TMEM131L: variants seen among roughly 807,000 people sequenced by gnomAD.
TMEM131L encodes transmembrane 131 like.
TMEM131L carries 54 observed loss-of-function variants against 192.2 expected under a neutral mutation model. That is an observed-to-expected ratio of 0.28 (90% CI 0.23 to 0.35). The LOEUF (loss-of-function observed/expected upper bound fraction) is 0.35. Among genes scored for constraint, TMEM131L ranks in the 10% least tolerant of loss-of-function variants. The pLI is 1.00. For synonymous variants in TMEM131L, 701 were observed against 704.9 expected (o/e 0.99, Z 0.09); for missense variants, 1,888 against 1,972.9 (o/e 0.96, Z 0.82).
chr4:153,509,254 C>T (rs1479938160), intron 3 of TMEM131L, among the ~76,000 whole-genome samples: 2 of 151,846 alleles, frequency 1.3e-5, no homozygotes, highest in Admixed American at 1.3e-4. Flanking sequence ...GTCCCAGCTA[C>T]TCTGGGAGGC....
At chr4:153,517,862 T>G (rs1734843017) in intron 3 of TMEM131L, among the ~76,000 whole-genome samples, 1 of 152,212 alleles carries the variant, frequency 6.6e-6, no homozygotes, top group African/African-American at 2.4e-5. Flanking sequence ...CCAAATAGCC[T>G]CTCTCCTAAC....
chr4:153,470,686 G>A (rs892644898), intron 2 of TMEM131L, among the ~76,000 whole-genome samples: 2 of 152,172 alleles, frequency 1.3e-5, no homozygotes, highest in African/African-American at 4.8e-5. Context: ...TGCAGGATAC[G>A]GCTTTGTGTA....
At chr4:153,479,869 C>A (rs1731797517) in intron 3 of TMEM131L, among the ~76,000 whole-genome samples, 1 of 152,186 alleles carries the variant, frequency 6.6e-6, no homozygotes, top group African/African-American at 2.4e-5. Context: ...CATTTCAGAG[C>A]CCCCACAGGG....
intron 25 of TMEM131L, among the ~76,000 whole-genome samples, chr4:153,610,651 A>G (rs1040265037): frequency 6.6e-6 from 1 of 152,198 alleles, no homozygotes; most frequent in Non-Finnish European, 1.5e-5. Flanking sequence ...TTACCTGGTA[A>G]GTGTTATTTG....
intron 3 of TMEM131L, among the ~76,000 whole-genome samples, chr4:153,518,967 C>T (rs114696175): frequency 0.019 from 2,867 of 152,242 alleles, 51 homozygotes; most frequent in South Asian, 0.064. Context: ...CTGGGGTTTC[C>T]TTGCTGTATC....
Position 153,587,595 on chromosome 4 carries a change from C to T in TMEM131L, c.1483-147C>T, listed in dbSNP as rs976470578. 6.1e-6 allele frequency: 4 copies of T among 659,110 alleles called. No homozygotes were observed. The African/African-American group carries it at 7.3e-5, about 12-fold the overall frequency. The allele number at this position is 659,110 out of a possible 1,614,324, so 40.8% of individuals were successfully genotyped here. On this transcript the variant is annotated intron_variant, in intron 14 of 34. Coordinates refer to ENST00000409959, the MANE Select transcript of TMEM131L (RefSeq NM_001131007.2). Reference sequence around the variant, plus strand: ...ACAGTTCAGATTTCTCTGAAAATTCCTTAACAATTAGAAAGTAATTTTTGG... The same window carrying T: ...ACAGTTCAGATTTCTCTGAAAATTCTTTAACAATTAGAAAGTAATTTTTGG...
At chr4:153,556,932 A>G (rs1648534394) in intron 5 of TMEM131L, 34 bp from the exon 6 acceptor site, 1 of 1,009,272 alleles carries the variant, frequency 9.9e-7, no homozygotes, top group South Asian at 1.4e-5. Context: ...AAAGGAGGCC[A>G]TTCCAAGTGG....
intron 3 of TMEM131L, among the ~76,000 whole-genome samples, chr4:153,535,329 C>G (rs184443254): frequency 5.9e-5 from 9 of 152,204 alleles, no homozygotes; most frequent in Admixed American, 1.3e-4. Flanking sequence ...GATGTCTTTT[C>G]GACATTCCAG....
At chr4:153,582,428 T>G (rs1298929395) in intron 9 of TMEM131L, among the ~76,000 whole-genome samples, 11 of 117,614 alleles carry the variant, frequency 9.4e-5, no homozygotes, top group African/African-American at 6.4e-4. Flanking sequence ...CCGTTTTTTT[T>G]TGTTGTTTTT....
intron 34 of TMEM131L, among the ~76,000 whole-genome samples, chr4:153,635,883 G>A (rs1249084959): frequency 1.3e-5 from 2 of 152,156 alleles, no homozygotes; most frequent in African/African-American, 4.8e-5. Flanking sequence ...TGACACAGCT[G>A]TCTTTATGTG....
chr4:153,486,876 G>T (rs953000551), intron 3 of TMEM131L, among the ~76,000 whole-genome samples: 1 of 152,230 alleles, frequency 6.6e-6, no homozygotes, highest in Non-Finnish European at 1.5e-5. Context: ...GGAAGGGAAT[G>T]GGCAGTGGGA....
At chr4:153,564,506 T>C (rs777907547) in intron 7 of TMEM131L, among the ~76,000 whole-genome samples, 4 of 152,142 alleles carry the variant, frequency 2.6e-5, no homozygotes, top group African/African-American at 4.8e-5. Flanking sequence ...TGGTTGACCA[T>C]GTGGACCAAG....
At chr4:153,528,743 C>A (rs1210351740) in intron 3 of TMEM131L, among the ~76,000 whole-genome samples, 2 of 152,116 alleles carry the variant, frequency 1.3e-5, no homozygotes, top group Non-Finnish European at 2.9e-5. Context: ...AGCTTCCAAG[C>A]CTAATAGAAA....
At chr4:153,597,873 C>T (rs2150906287) in intron 20 of TMEM131L, among the ~76,000 whole-genome samples, 1 of 152,212 alleles carries the variant, frequency 6.6e-6, no homozygotes, top group South Asian at 2.1e-4. Context: ...GTTGAGGCTG[C>T]AGTGAGCCGT....
At chr4:153,615,142 T>A (rs532165593) in intron 26 of TMEM131L, among the ~76,000 whole-genome samples, 1 of 152,348 alleles carries the variant, frequency 6.6e-6, no homozygotes, top group South Asian at 2.1e-4. Flanking sequence ...AACATTGCAT[T>A]TTTCTCCTTC....
At chr4:153,582,433 GTTTTTTTTTTTTT>G (rs1038256479) in intron 9 of TMEM131L, among the ~76,000 whole-genome samples, 6 of 40,336 alleles carry the variant, frequency 1.5e-4, no homozygotes, top group Non-Finnish European at 2.5e-4. Flanking sequence ...TTTTTTTGTT[GTTTTTTTTTTTTT>G]TTTTTTTTTT....
At chr4:153,627,749 G>T in intron 31 of TMEM131L, 62 bp downstream of exon 31, 1 of 1,407,988 alleles carries the variant, frequency 7.1e-7, no homozygotes, top group Non-Finnish European at 1.0e-6. Flanking sequence ...TGTATTCCTG[G>T]CTGATGAGTT....
At chr4:153,548,237 A>G (rs1737340919) in intron 3 of TMEM131L, among the ~76,000 whole-genome samples, 1 of 152,226 alleles carries the variant, frequency 6.6e-6, no homozygotes. Flanking sequence ...CGTGTTCAAA[A>G]CAAGTGAAGA....
chr4:153,578,850 GTT>G (rs141149525), intron 7 of TMEM131L, among the ~76,000 whole-genome samples: 2,215 of 151,680 alleles, frequency 0.015, 63 homozygotes, highest in African/African-American at 0.05. Context: ...TAGAGACGGG[GTT>G]TCACCATTTT....
Sources: allele counts gnomAD v4.1 joint callset (sites outside exome capture counted in the v4.1 genomes callset), GRCh38; gene constraint gnomAD v4.1.1; transcripts MANE v1.5; gene names NCBI Gene and HGNC (gene_info 2026-07-23, HGNC 2026-07-21).